HACD2: variants seen among roughly 807,000 people sequenced by gnomAD.
HACD2 encodes the protein 3-hydroxyacyl-CoA dehydratase 2.
In HACD2, 15 loss-of-function variants were observed where a neutral mutation model predicts 31.0. The observed-to-expected ratio is 0.48, with a 90% CI of 0.32 to 0.75. The LOEUF is 0.75. Among genes scored for constraint, HACD2 ranks in the 30% least tolerant of loss-of-function variants. HACD2 has a pLI of 0.03. For missense variants in HACD2, 283 were observed against 313.0 expected (o/e 0.90, Z 0.72); for synonymous variants, 115 against 122.2 (o/e 0.94, Z 0.39).
intron 3 of HACD2, among the ~76,000 whole-genome samples, chr3:123,530,359 C>G (rs926064809): frequency 3.3e-5 from 5 of 151,986 alleles, no homozygotes; most frequent in Non-Finnish European, 7.4e-5. Context: ...TCAGGCCATC[C>G]TCTCGCCTCA....
At chr3:123,567,637 C>T (rs892113045) in intron 3 of HACD2, 125 bp downstream of exon 3, 36 of 609,790 alleles carry the variant, frequency 5.9e-5, no homozygotes, top group Non-Finnish European at 8.1e-5. Flanking sequence ...TCAGCAATTT[C>T]ATACATGATG....
At chr3:123,570,794 T>TA (rs58342104) in intron 2 of HACD2, among the ~76,000 whole-genome samples, 125 of 152,172 alleles carry the variant, frequency 8.2e-4, no homozygotes, top group African/African-American at 3.0e-3. Flanking sequence ...GAATTAGATG[T>TA]AAAAAAACTG....
intron 3 of HACD2, among the ~76,000 whole-genome samples, chr3:123,532,850 A>C (rs2056380980): frequency 6.6e-6 from 1 of 151,552 alleles, no homozygotes; most frequent in South Asian, 2.1e-4. Flanking sequence ...AAAAAAAAAA[A>C]AAAAAAAAAG....
At chr3:123,557,973 C>A (rs2056690028) in intron 3 of HACD2, among the ~76,000 whole-genome samples, 1 of 152,240 alleles carries the variant, frequency 6.6e-6, no homozygotes, top group Non-Finnish European at 1.5e-5. Context: ...CAAAAACCTG[C>A]ACACAAATGT....
intron 4 of HACD2, among the ~76,000 whole-genome samples, chr3:123,518,108 C>T (rs1296035008): frequency 3.3e-4 from 1 of 2,990 alleles, no homozygotes; most frequent in African/African-American, 3.5e-4. Flanking sequence ...AGGAGAATGG[C>T]GTGAACCCGG....
Position 123,502,573 on chromosome 3 carries a change from T to C in HACD2, c.490A>G (p.Ile164Val). 1 of 1,610,366 alleles carries C rather than the reference T, an allele frequency of 6.2e-7. No individual in the cohort carries two copies. Among genetic ancestry groups the C allele is most frequent in the Non-Finnish European group, 8.5e-7 (1 of 1,177,892 alleles). ...FSLLNHLPYL[I>V]KWARYTLFIV... ...GTGCTTTTTTACCTGGCCCATTTGA[T>C]GAGGTAAGGCAGATGGTTTAATAGA... Residue 164 changes from isoleucine (I) to valine (V), a missense_variant, in exon 5 of 7, where the codon ATC (isoleucine) becomes GTC (valine). This residue lies in a region of HACD2 where 85 missense variants were observed against 129.6 expected (regional missense o/e 0.66). Coordinates refer to ENST00000383657, the MANE Select transcript of HACD2 (RefSeq NM_198402.5).
At chr3:123,578,952 C>T (rs942822303) in intron 2 of HACD2, among the ~76,000 whole-genome samples, 1 of 152,192 alleles carries the variant, frequency 6.6e-6, no homozygotes, top group Non-Finnish European at 1.5e-5. Flanking sequence ...TTTTAGCAAG[C>T]CTGCTCTATC....
intron 4 of HACD2, among the ~76,000 whole-genome samples, chr3:123,524,730 T>G (rs1296268065): frequency 6.6e-6 from 1 of 152,122 alleles, no homozygotes; most frequent in South Asian, 2.1e-4. Context: ...GGTGTTGAAC[T>G]CCTGCCTCAG....
intron 3 of HACD2, among the ~76,000 whole-genome samples, chr3:123,542,749 T>A (rs1225889242): frequency 6.6e-6 from 1 of 152,214 alleles, no homozygotes; most frequent in Non-Finnish European, 1.5e-5. Flanking sequence ...GAAGTATTAG[T>A]GAATACAAGA....
chr3:123,507,482 A>G (rs1007347994), intron 4 of HACD2, among the ~76,000 whole-genome samples: 5 of 152,220 alleles, frequency 3.3e-5, no homozygotes, highest in Non-Finnish European at 5.9e-5. Context: ...CCTCCAAAAC[A>G]TCATGTTGAA....
At chr3:123,510,252 G>T (rs2056039350) in intron 4 of HACD2, among the ~76,000 whole-genome samples, 1 of 152,028 alleles carries the variant, frequency 6.6e-6, no homozygotes, top group East Asian at 1.9e-4. Context: ...TACAGTATAT[G>T]TCTTTATTTT....
intron 3 of HACD2, among the ~76,000 whole-genome samples, chr3:123,534,029 A>AGTGTGTGTGTGTGTGT (rs62840760): frequency 6.7e-6 from 1 of 149,858 alleles, no homozygotes; most frequent in Non-Finnish European, 1.5e-5. Flanking sequence ...AACATAGTGG[A>AGTGTGTGTGTGTGTGT]GTGTGTGTGT....
At chr3:123,581,036 G>A (rs935134466) in intron 2 of HACD2, among the ~76,000 whole-genome samples, 2 of 151,980 alleles carry the variant, frequency 1.3e-5, no homozygotes, top group African/African-American at 4.8e-5. Flanking sequence ...TAGCCAGGAC[G>A]GTCTCAATCT....
intron 4 of HACD2, among the ~76,000 whole-genome samples, chr3:123,513,315 A>C (rs569702744): frequency 1.3e-5 from 2 of 152,236 alleles, no homozygotes; most frequent in African/African-American, 4.8e-5. Flanking sequence ...GCCATTTGAT[A>C]ACCATCACAG....
In HACD2 at chr3:123,496,894, A is replaced by G. The variant is rs188774899; in HGVS notation, c.683-1924T>C. On this transcript the variant is annotated intron_variant, in intron 6 of 6. Transcript: ENST00000383657. ...AAGGAGAATGACCTGGAAGTCATGC[A>G]TTAAGCCCTTGGTGGCAGTTCAAGG... Among the ~76,000 whole-genome samples, 3 of 152,336 alleles carry G rather than the reference A, an allele frequency of 2.0e-5. No individual in the cohort carries two copies. The East Asian group carries it at 5.8e-4, about 29-fold the overall frequency.
intron 4 of HACD2, among the ~76,000 whole-genome samples, chr3:123,520,803 T>G (rs891459228): frequency 6.6e-6 from 1 of 152,208 alleles, no homozygotes; most frequent in African/African-American, 2.4e-5. Context: ...AGTTTAAACA[T>G]AGAGCCTTGT....
At chr3:123,542,666 A>T (rs79506268) in intron 3 of HACD2, among the ~76,000 whole-genome samples, 2,351 of 152,386 alleles carry the variant, frequency 0.015, 66 homozygotes, top group African/African-American at 0.052. Context: ...TATTTTAAAA[A>T]TGAGAACAAC....
chr3:123,529,658 T>C (rs992817866), intron 3 of HACD2, among the ~76,000 whole-genome samples: 1 of 152,088 alleles, frequency 6.6e-6, no homozygotes, highest in Non-Finnish European at 1.5e-5. Flanking sequence ...GTTTGGGAGG[T>C]TGAGGCTGCA....
At chr3:123,572,570 C>T (rs2056866022) in intron 2 of HACD2, among the ~76,000 whole-genome samples, 1 of 152,158 alleles carries the variant, frequency 6.6e-6, no homozygotes, top group Non-Finnish European at 1.5e-5. Context: ...CTTCCATTTC[C>T]ACTGGCAATA....
Sources: allele counts gnomAD v4.1 joint callset (sites outside exome capture counted in the v4.1 genomes callset), GRCh38; gene constraint gnomAD v4.1.1; regional missense constraint gnomAD v4.1.1; transcripts MANE v1.5; gene names NCBI Gene and HGNC (gene_info 2026-07-23, HGNC 2026-07-21).